The following KATNAL2 variants were observed in gnomAD, a reference collection of about 807,000 sequenced individuals.
The protein encoded by KATNAL2 is katanin p60 ATPase-containing subunit A-like 2.
A neutral mutation model predicts 76.3 loss-of-function variants in KATNAL2; 52 were observed. The ratio of observed to expected loss-of-function variants is 0.68; its 90% CI spans 0.55 to 0.86. The LOEUF is 0.86. KATNAL2 is among the 40% of genes least tolerant of loss of function. The pLI, the probability that KATNAL2 is intolerant of heterozygous loss-of-function variation, is 0.00. For missense variants in KATNAL2, 660 were observed against 668.9 expected (o/e 0.99, Z 0.15); for synonymous variants, 243 against 244.2 (o/e 1.00, Z 0.05).
chr18:47,094,109 T>G (rs72905410), intron 15 of KATNAL2, among the ~76,000 whole-genome samples: 4,006 of 152,288 alleles, frequency 0.026, 61 homozygotes, highest in Non-Finnish European at 0.041. Flanking sequence ...TAAAAAGGCA[T>G]GATGGAGGCA....
At chr18:46,955,594 G>A (rs931515831) in intron 3 of KATNAL2, among the ~76,000 whole-genome samples, 5 of 149,124 alleles carry the variant, frequency 3.4e-5, no homozygotes, top group African/African-American at 9.9e-5. Context: ...GGGTCTCACC[G>A]TTTTGCCCAG....
chr18:47,034,687 G>T, intron 3 of KATNAL2: 1 of 1,613,348 alleles, frequency 6.2e-7, no homozygotes, highest in Non-Finnish European at 8.5e-7. Context: ...GCCTCTTCCG[G>T]GTTGCTTCCC....
rs528347745 is a variant in KATNAL2, at chr18:47,073,854, A to G, written c.1009-1423A>G. ...TTACCCATGATTCTGTATATTCCCT[A>G]TGAGTGGAAAGAGCAATGCAGAGGA... On this transcript the variant is annotated intron_variant, in intron 13 of 17. Transcript: ENST00000683218. Among the ~76,000 whole-genome samples, 169 of 152,294 alleles carry G rather than the reference A, an allele frequency of 1.1e-3. 1 individual carries two copies. The highest frequency in any genetic ancestry group is 3.8e-3 in the African/African-American group (160 of 41,566).
At chr18:47,062,688 A>T (rs1416852551) in intron 8 of KATNAL2, among the ~76,000 whole-genome samples, 1 of 152,190 alleles carries the variant, frequency 6.6e-6, no homozygotes, top group Non-Finnish European at 1.5e-5. Context: ...GGAAGTCAAC[A>T]TATAAGGGAG....
In KATNAL2 at chr18:47,034,375, A is replaced by G. The variant is rs776330300; in HGVS notation, c.52-12082A>G. On this transcript the variant is annotated intron_variant, in intron 3 of 17. Coordinates refer to ENST00000683218, the MANE Select transcript of KATNAL2 (RefSeq NM_001387690.1). ...CTGGTGACTGTCTGGAGCCTCCTCC[A>G]AGGCAGGGACACGCTGGCCGCTGCC... The G allele has an allele frequency of 3.1e-6, 5 of 1,614,032 alleles. No homozygotes were observed. In the South Asian group the frequency reaches 5.5e-5, roughly 18 times the overall value.
intron 1 of KATNAL2, among the ~76,000 whole-genome samples, chr18:46,942,966 A>T (rs1425075244): frequency 6.6e-6 from 1 of 152,112 alleles, no homozygotes; most frequent in Non-Finnish European, 1.5e-5. Context: ...TTACTTGCAG[A>T]TCAACTCTAT....
At chr18:47,066,847 TTATATA>T (rs56018747) in intron 10 of KATNAL2, among the ~76,000 whole-genome samples, 168 bp from the exon 11 acceptor site, 1,254 of 29,480 alleles carry the variant, frequency 0.043, 22 homozygotes, top group Admixed American at 0.11. Flanking sequence ...ATATATGTGT[TTATATA>T]TATATATATA....
intron 1 of KATNAL2, among the ~76,000 whole-genome samples, chr18:46,926,187 T>C (rs981306771): frequency 2.6e-5 from 4 of 152,230 alleles, no homozygotes; most frequent in African/African-American, 9.6e-5. Context: ...AGGGTGTCAA[T>C]TTTAGATCTT....
At chr18:47,088,154 G>A (rs146643518) in intron 15 of KATNAL2, among the ~76,000 whole-genome samples, 154 of 152,262 alleles carry the variant, frequency 1.0e-3, no homozygotes, top group African/African-American at 3.5e-3. Context: ...TTTGGCTAGC[G>A]AGAGCAGGCT....
intron 15 of KATNAL2, among the ~76,000 whole-genome samples, chr18:47,095,925 G>A (rs75616721): frequency 2.6e-5 from 4 of 152,308 alleles, no homozygotes; most frequent in Non-Finnish European, 4.4e-5. Flanking sequence ...TTGACCCTGT[G>A]CCTTGAATAT....
intron 15 of KATNAL2, among the ~76,000 whole-genome samples, chr18:47,086,744 CG>C (rs1435563446): frequency 6.6e-6 from 1 of 152,220 alleles, no homozygotes; most frequent in Non-Finnish European, 1.5e-5. Flanking sequence ...GTGTGTTTTA[CG>C]GGTAAAACCC....
chr18:46,958,400 T>TAGAACGGGTTCAAGAACCG (rs2059828770), intron 3 of KATNAL2, among the ~76,000 whole-genome samples: 1 of 152,166 alleles, frequency 6.6e-6, no homozygotes, highest in Admixed American at 6.5e-5. Context: ...ATAAATAATC[T>TAGAACGGGTTCAAGAACCG]AGTACAAAAT....
chr18:46,950,774 T>A (rs2146695859), intron 3 of KATNAL2, among the ~76,000 whole-genome samples: 1 of 148,744 alleles, frequency 6.7e-6, no homozygotes, highest in South Asian at 2.2e-4. Context: ...AACCTCCACC[T>A]CCTGGGTTCA....
chr18:47,067,264 C>A, intron 11 of KATNAL2, 145 bp downstream of exon 11: 1 of 427,588 alleles, frequency 2.3e-6, no homozygotes. Context: ...ACTTTCTCAA[C>A]CCTGGAGCAC....
At chr18:46,919,994 A>G (rs2058443276) in intron 1 of KATNAL2, 2 of 1,137,026 alleles carry the variant, frequency 1.8e-6, no homozygotes, top group African/African-American at 1.6e-5. Context: ...GCTTACACCC[A>G]TAAAGAGGAC....
intron 1 of KATNAL2, among the ~76,000 whole-genome samples, chr18:46,925,315 C>A (rs546104391): frequency 6.6e-6 from 1 of 152,074 alleles, no homozygotes; most frequent in Non-Finnish European, 1.5e-5. Flanking sequence ...TTGTCAAAGG[C>A]CTTTTCTGCA....
At chr18:47,066,973 G>T (rs750229797) in intron 10 of KATNAL2, 48 bp from the exon 11 acceptor site, 1 of 1,085,400 alleles carries the variant, frequency 9.2e-7, no homozygotes, top group Non-Finnish European at 1.4e-6. Flanking sequence ...TATTACAGCT[G>T]TAGAGGAAAA....
intron 14 of KATNAL2, among the ~76,000 whole-genome samples, chr18:47,076,772 A>G (rs1345979296): frequency 1.4e-5 from 2 of 147,606 alleles, no homozygotes; most frequent in African/African-American, 2.5e-5. Flanking sequence ...ATTATATATT[A>G]TGCTTATAAT....
chr18:47,050,018 C>T lies in KATNAL2; in HGVS notation c.123-2862C>T, dbSNP rs560593885. On this transcript the variant is annotated intron_variant, in intron 4 of 17. Transcript: ENST00000683218. ...AATTAGCTCAACTGCAGGTGCGTGC[C>T]GCCATGGCTACTTTTTGTTTCGTTG... Among the ~76,000 whole-genome samples, 15 of 152,210 alleles carry T rather than the reference C, an allele frequency of 9.9e-5. No homozygotes were observed. In the South Asian group the frequency reaches 2.9e-3, roughly 30 times the overall value.
Sources: gnomAD v4.1 joint callset for allele counts (sites outside exome capture counted in the v4.1 genomes callset) on GRCh38, gnomAD v4.1.1 for gene constraint, MANE v1.5 for transcripts, NCBI Gene and HGNC (gene_info 2026-07-23, HGNC 2026-07-21) for gene names.